CYP2R1: variants seen among roughly 807,000 people sequenced by gnomAD.
CYP2R1 encodes cytochrome P450 family 2 subfamily R member 1.
In CYP2R1, 40 loss-of-function variants were observed where a neutral mutation model predicts 45.7. That is an observed-to-expected ratio of 0.87 (90% confidence interval 0.68 to 1.14). The LOEUF is 1.14. CYP2R1 is among the 50% of genes most tolerant of loss of function. The probability of loss-of-function intolerance (pLI) is 0.00; values close to 1 mark genes in which losing one functional copy is unlikely to be tolerated. For synonymous variants in CYP2R1, 234 were observed against 219.3 expected (o/e 1.07, Z -0.59); for missense variants, 605 against 602.6 (o/e 1.00, Z -0.04).
chr11:14,880,173 C>T lies in CYP2R1; in HGVS notation c.963G>A (p.Trp321Ter), dbSNP rs969616871. ...GATAAAGGGCCATGAAAAGAATCGC[C>T]CACCGTAGCACATTGGTTGTAGTTT... ...GTETTTNVLRWAILFMALYPN... is the reference protein window; with the variant it reads ...GTETTTNVLR Residue 321 changes from tryptophan to a stop codon, truncating the protein, a stop_gained, in exon 3 of 5, where the codon TGG becomes TGA. Transcript: ENST00000334636. LOFTEE classifies it high-confidence loss of function. 1 of 1,612,634 alleles carries T rather than the reference C, an allele frequency of 6.2e-7. No individual in the cohort carries two copies. The highest frequency in any genetic ancestry group is 8.5e-7 in the Non-Finnish European group (1 of 1,179,250).
chr11:14,886,035 T>C lies in CYP2R1; in HGVS notation c.226-118A>G, dbSNP rs182378927. 8.2e-4 allele frequency: 782 copies of C among 953,330 alleles called. 4 individuals carry two copies. The highest frequency in any genetic ancestry group is 1.1e-3 in the Non-Finnish European group (697 of 608,758). The allele number at this position is 953,330 out of a possible 1,614,324, so 59.1% of individuals were successfully genotyped here. On this transcript the variant is annotated intron_variant, in intron 1 of 4. Coordinates refer to ENST00000334636, the MANE Select transcript of CYP2R1 (RefSeq NM_024514.5). ...AGGATTTGTTACGTCCCTGAAAATA[T>C]AGGCAGTTATTACTCAACTGACAAT... is the stretch of plus-strand genomic sequence containing the variant.
At chr11:14,888,215 G>A (rs1308827489) in intron 1 of CYP2R1, among the ~76,000 whole-genome samples, 9 of 152,048 alleles carry the variant, frequency 5.9e-5, no homozygotes. Context: ...TAATTTACTT[G>A]TGTTTATATT....
At chr11:14,880,894 TGGTTG>T (rs1356950440) in intron 2 of CYP2R1, 126 bp from the exon 3 acceptor site, 2 of 875,020 alleles carry the variant, frequency 2.3e-6, no homozygotes, top group African/African-American at 3.4e-5. Context: ...TATAACTACA[TGGTTG>T]GGTCCTGTTC....
At position 14,892,144 on chromosome 11, in the gene CYP2R1, A is replaced by C. The variant is rs1555017383; in HGVS notation, c.62T>G (p.Leu21Arg). 2 of 1,611,150 alleles carry C rather than the reference A, an allele frequency of 1.2e-6. No homozygotes were observed. The highest frequency in any genetic ancestry group is 1.1e-5 in the South Asian group (1 of 91,004). Residue 21 changes from leucine to arginine, a missense_variant, in exon 1 of 5, where the codon CTG becomes CGG. Coordinates refer to ENST00000334636, the MANE Select transcript of CYP2R1 (RefSeq NM_024514.5). Reference protein sequence around the residue: ...AAALGGALFLLLFALGVRQLL... With the variant: ...AAALGGALFLRLFALGVRQLL... ...CTGGCGGACCCCTAGCGCGAAGAGC[A>C]GCAGGAAGAGCGCGCCGCCGAGCGC...
chr11:14,887,538 C>A lies in CYP2R1; in HGVS notation c.226-1621G>T, dbSNP rs1254289904. On this transcript the variant is annotated intron_variant, in intron 1 of 4. Coordinates refer to ENST00000334636, the MANE Select transcript of CYP2R1 (RefSeq NM_024514.5). ...AGGGTACAAGATTAGCTTATATATT[C>A]TTTGATTTATTCAATAATTTTAGTG... 3.2e-6 allele frequency: 3 copies of A among 925,036 alleles called. No homozygotes were observed. In the African/African-American group the frequency reaches 5.4e-5, roughly 17 times the overall value. 57.3% of individuals were successfully genotyped at this position (925,036 alleles called of 1,614,324 possible).
intron 2 of CYP2R1, among the ~76,000 whole-genome samples, chr11:14,882,072 C>T (rs1474395904): frequency 1.3e-5 from 2 of 152,084 alleles, no homozygotes; most frequent in South Asian, 2.1e-4. Context: ...AGCAATCTTA[C>T]ATTCCCATAG....
At position 14,877,877 on chromosome 11, in the gene CYP2R1, G is replaced by C. The variant is rs535936941; in HGVS notation, c.*245C>G. The C allele has an allele frequency of 4.1e-6, 2 of 482,862 alleles. No individual in the cohort carries two copies. The highest frequency in any genetic ancestry group is 5.5e-4 in the Middle Eastern group (1 of 1,816). The allele number at this position is 482,862 out of a possible 1,614,324, so 29.9% of individuals were successfully genotyped here. A position where few individuals can be genotyped will look rare whatever the true frequency, so the allele number is the denominator to read the frequency against. On this transcript the variant is annotated 3_prime_UTR_variant, in exon 5 of 5. Transcript: ENST00000334636. ...TCCATGACCCTTCTTAGCATTTTAA[G>C]CAACACCCATCATTTGCACCTTTGT...
intron 1 of CYP2R1, 83 bp downstream of exon 1, chr11:14,891,898 G>A: frequency 6.6e-7 from 1 of 1,511,346 alleles, no homozygotes; most frequent in Non-Finnish European, 8.9e-7. Flanking sequence ...GCCCAGGGGC[G>A]GCCATAAGTC....
intron 1 of CYP2R1, chr11:14,891,713 G>A (rs1848865174): frequency 3.2e-6 from 4 of 1,253,062 alleles, no homozygotes; most frequent in South Asian, 2.1e-5. Flanking sequence ...GAGCTCGAGC[G>A]GTAGCGGGAA....
At chr11:14,888,957 A>G (rs565880668) in intron 1 of CYP2R1, among the ~76,000 whole-genome samples, 2 of 152,212 alleles carry the variant, frequency 1.3e-5, no homozygotes, top group Non-Finnish European at 2.9e-5. Flanking sequence ...TACTGCAGAA[A>G]TTTAAACATT....
chr11:14,890,555 T>C (rs1590234502), intron 1 of CYP2R1: 1 of 562,298 alleles, frequency 1.8e-6, no homozygotes, highest in East Asian at 1.5e-4. Flanking sequence ...TTTTTTTTTT[T>C]TTTTTTTTTG....
At chr11:14,891,686 C>T (rs1224256617) in intron 1 of CYP2R1, 5 of 1,195,308 alleles carry the variant, frequency 4.2e-6, no homozygotes, top group Non-Finnish European at 5.2e-6. Flanking sequence ...AGCCAAACGG[C>T]GCAGGCGCAG....
intron 2 of CYP2R1, among the ~76,000 whole-genome samples, chr11:14,885,134 T>C (rs551647124): frequency 3.3e-4 from 51 of 152,328 alleles, no homozygotes; most frequent in African/African-American, 1.2e-3. Context: ...TCAGAGAATT[T>C]AGGACACAAC....
At chr11:14,884,180 G>A (rs1319486631) in intron 2 of CYP2R1, among the ~76,000 whole-genome samples, 3 of 151,810 alleles carry the variant, frequency 2.0e-5, no homozygotes, top group African/African-American at 7.3e-5. Flanking sequence ...CCCATTACTG[G>A]GTATATACCC....
At chr11:14,878,465 C>G (rs1848241766) in intron 4 of CYP2R1, among the ~76,000 whole-genome samples, 168 bp from the exon 5 acceptor site, 1 of 152,124 alleles carries the variant, frequency 6.6e-6, no homozygotes, top group Non-Finnish European at 1.5e-5. Flanking sequence ...ATTGACACTT[C>G]AGCAAGCAGA....
intron 2 of CYP2R1, among the ~76,000 whole-genome samples, chr11:14,882,972 A>C (rs1350800276): frequency 6.6e-6 from 1 of 152,190 alleles, no homozygotes; most frequent in Non-Finnish European, 1.5e-5. Flanking sequence ...AATCCAACTT[A>C]CAAGGGATGT....
Position 14,877,868 on chromosome 11 carries a change from G to A in CYP2R1, c.*254C>T. On this transcript the variant is annotated 3_prime_UTR_variant, in exon 5 of 5. Transcript: ENST00000334636. The stretch of plus-strand genomic sequence containing the variant: ...CTTAGGGCGTCCATGACCCTTCTTA[G>A]CATTTTAAGCAACACCCATCATTTG... The A allele has an allele frequency of 2.2e-6, 1 of 458,056 alleles. No homozygotes were observed. The highest frequency in any genetic ancestry group is 3.9e-6 in the Non-Finnish European group (1 of 258,998). 28.4% of individuals were successfully genotyped at this position (458,056 alleles called of 1,614,324 possible).
intron 1 of CYP2R1, 164 bp from the exon 2 acceptor site, chr11:14,886,081 A>G: frequency 1.5e-6 from 1 of 674,586 alleles, no homozygotes. Context: ...CCCTCCTTCT[A>G]TAAGGCATGC....
chr11:14,884,156 T>C (rs1555013490), intron 2 of CYP2R1, among the ~76,000 whole-genome samples: 2 of 152,118 alleles, frequency 1.3e-5, no homozygotes, highest in East Asian at 4.0e-4. Context: ...AGAAATACCA[T>C]TTGACCCTGC....
Sources: allele counts gnomAD v4.1 joint callset (sites outside exome capture counted in the v4.1 genomes callset), GRCh38; gene constraint gnomAD v4.1.1; transcripts MANE v1.5; gene names NCBI Gene and HGNC (gene_info 2026-07-23, HGNC 2026-07-21).